The following CDH13 variants were observed in gnomAD, a reference collection of about 807,000 sequenced individuals.
CDH13 encodes the protein cadherin 13.
A neutral mutation model predicts 63.8 loss-of-function variants in CDH13; 24 were observed. The observed-to-expected ratio is 0.38, with a 90% confidence interval of 0.27 to 0.53. The LOEUF is 0.53. CDH13 is among the 20% of genes least tolerant of loss of function. The pLI is 0.85. For missense variants in CDH13, 1,049 were observed against 903.1 expected, an observed-to-expected ratio of 1.16 and a Z score of -2.07; for synonymous variants, 503 against 355.3, an observed-to-expected ratio of 1.42 and a Z score of -4.67.
At chr16:82,976,056 G>T (rs1434353026) in intron 2 of CDH13, among the ~76,000 whole-genome samples, 1 of 152,190 alleles carries the variant, frequency 6.6e-6, no homozygotes, top group African/African-American at 2.4e-5. Flanking sequence ...TGGTCAGAAG[G>T]CCAGTAACAA....
chr16:82,727,315 C>T (rs925553897), intron 1 of CDH13, among the ~76,000 whole-genome samples: 2 of 152,100 alleles, frequency 1.3e-5, no homozygotes, highest in Admixed American at 1.3e-4. Flanking sequence ...TCTCCCATTG[C>T]ATTTTTTTTC....
intron 7 of CDH13, among the ~76,000 whole-genome samples, chr16:83,537,086 T>A (rs1160974379): frequency 6.6e-6 from 1 of 152,212 alleles, no homozygotes; most frequent in East Asian, 1.9e-4. Flanking sequence ...GCAACAAGAA[T>A]GACTTGCAGA....
intron 1 of CDH13, among the ~76,000 whole-genome samples, chr16:82,766,767 G>A (rs2035070536): frequency 6.6e-6 from 1 of 152,000 alleles, no homozygotes; most frequent in African/African-American, 2.4e-5. Flanking sequence ...ATTCCTCGGT[G>A]CAAAATATGA....
At chr16:83,164,646 G>C (rs2037584577) in intron 4 of CDH13, among the ~76,000 whole-genome samples, 1 of 151,762 alleles carries the variant, frequency 6.6e-6, no homozygotes, top group East Asian at 1.9e-4. Flanking sequence ...CTTGAACTTG[G>C]GAGGCGGAGG....
rs78841657 is a variant in CDH13, at chr16:83,770,508, A to G, written c.1682-9460A>G. On this transcript the variant is annotated intron_variant, in intron 11 of 13. Coordinates refer to ENST00000567109, the MANE Select transcript of CDH13 (RefSeq NM_001257.5). Reference sequence around the variant, plus strand: ...TTAGATCTCACGCAAGAAAGAATTCAGTGCGAGTCCATTAAGTGAAAGCAA... The same window carrying G: ...TTAGATCTCACGCAAGAAAGAATTCGGTGCGAGTCCATTAAGTGAAAGCAA... 4.6e-5 allele frequency among the ~76,000 whole-genome samples: 7 copies of G among 152,330 alleles called. No homozygotes were observed. The East Asian group carries it at 1.2e-3, about 25-fold the overall frequency.
chr16:83,039,564 G>A (rs1470469311), intron 3 of CDH13, among the ~76,000 whole-genome samples: 1 of 152,148 alleles, frequency 6.6e-6, no homozygotes, highest in East Asian at 1.9e-4. Flanking sequence ...CGCCTTGGAT[G>A]AATATAGGAA....
At chr16:82,797,053 C>T (rs1157404597) in intron 1 of CDH13, among the ~76,000 whole-genome samples, 1 of 152,220 alleles carries the variant, frequency 6.6e-6, no homozygotes, top group Non-Finnish European at 1.5e-5. Context: ...TGACTATGTA[C>T]TTGTCATGAG....
At chr16:83,583,215 C>A (rs1218920854) in intron 7 of CDH13, among the ~76,000 whole-genome samples, 2 of 152,140 alleles carry the variant, frequency 1.3e-5, no homozygotes, top group African/African-American at 2.4e-5. Flanking sequence ...TAGGGCACAC[C>A]CAGCTAATCC....
At chr16:82,687,597 A>C (rs1273538105) in intron 1 of CDH13, among the ~76,000 whole-genome samples, 3 of 152,170 alleles carry the variant, frequency 2.0e-5, no homozygotes, top group African/African-American at 7.2e-5. Context: ...AGACTTATTC[A>C]CTATCACAAG....
chr16:82,817,174 C>T lies in CDH13; in HGVS notation c.46-41188C>T, dbSNP rs1265548506. ...CATTTCTCTTTATCACTCTTCGCCC[C>T]CCACTGCAGGTACCTGTTCCTTTTT... On this transcript the variant is annotated intron_variant, in intron 1 of 13. Transcript: ENST00000567109. Among the ~76,000 whole-genome samples the T allele has an allele frequency of 3.9e-5, 6 of 152,058 alleles. No homozygotes were observed. The South Asian group carries it at 6.2e-4, about 16-fold the overall frequency.
intron 1 of CDH13, among the ~76,000 whole-genome samples, chr16:82,698,408 GA>G (rs1256001919): frequency 1.3e-5 from 2 of 152,234 alleles, no homozygotes; most frequent in East Asian, 3.9e-4. Context: ...TTTGCTCTGT[GA>G]CAGACAACTA....
chr16:83,006,382 T>C (rs981955735), intron 2 of CDH13, among the ~76,000 whole-genome samples: 11 of 152,218 alleles, frequency 7.2e-5, no homozygotes, highest in African/African-American at 2.4e-4. Context: ...GTCTCCTGAA[T>C]GGTTTTGACT....
At chr16:83,529,536 G>A (rs1230469255) in intron 7 of CDH13, among the ~76,000 whole-genome samples, 3 of 152,040 alleles carry the variant, frequency 2.0e-5, no homozygotes, top group Non-Finnish European at 4.4e-5. Context: ...CCAGAGCAAT[G>A]TACACAGCTT....
intron 3 of CDH13, among the ~76,000 whole-genome samples, chr16:83,100,636 C>T (rs949208573): frequency 1.3e-5 from 2 of 152,154 alleles, no homozygotes; most frequent in African/African-American, 4.8e-5. Context: ...CTTTTCAGTT[C>T]TTCTCAACTT....
At chr16:83,512,532 G>C (rs2074596710) in intron 7 of CDH13, among the ~76,000 whole-genome samples, 1 of 150,838 alleles carries the variant, frequency 6.6e-6, no homozygotes, top group African/African-American at 2.4e-5. Context: ...GCCAGGTGTG[G>C]TGGCATGCGC....
chr16:82,822,449 TAA>T (rs1333124893), intron 1 of CDH13, among the ~76,000 whole-genome samples: 1 of 152,214 alleles, frequency 6.6e-6, no homozygotes, highest in Admixed American at 6.5e-5. Flanking sequence ...TTTTAAAAAA[TAA>T]AAGTTAGGTT....
intron 13 of CDH13, among the ~76,000 whole-genome samples, chr16:83,787,653 A>G (rs1915976255): frequency 6.6e-6 from 1 of 152,194 alleles, no homozygotes. Context: ...TCTACAAGCA[A>G]TGCTTGCAGC....
intron 4 of CDH13, among the ~76,000 whole-genome samples, chr16:83,201,626 G>A (rs577724597): frequency 7.4e-4 from 113 of 152,120 alleles, no homozygotes; most frequent in African/African-American, 2.2e-3. Flanking sequence ...GGCTGGGCAC[G>A]GTGGCTCACG....
intron 10 of CDH13, among the ~76,000 whole-genome samples, chr16:83,736,779 A>C (rs900028177): frequency 1.3e-5 from 2 of 152,298 alleles, no homozygotes; most frequent in East Asian, 3.9e-4. Context: ...TGCAGGCACA[A>C]AAAGGTCCTA....
Sources: gnomAD v4.1 joint callset for allele counts (sites outside exome capture counted in the v4.1 genomes callset) on GRCh38, gnomAD v4.1.1 for gene constraint, MANE v1.5 for transcripts, NCBI Gene and HGNC (gene_info 2026-07-23, HGNC 2026-07-21) for gene names.